The following SLC13A4 variants were observed in gnomAD, a reference collection of about 807,000 sequenced individuals.
SLC13A4 encodes solute carrier family 13 member 4.
A neutral mutation model predicts 72.7 loss-of-function variants in SLC13A4; 28 were observed. The observed-to-expected ratio is 0.39, with a 90% CI of 0.29 to 0.53. SLC13A4 has a LOEUF of 0.53. Ranked by LOEUF, SLC13A4 falls within the 20% of genes least tolerant of loss-of-function variation. The pLI is 0.78. For missense variants in SLC13A4, 653 were observed against 788.0 expected (o/e 0.83, Z 2.05); for synonymous variants, 312 against 325.5 (o/e 0.96, Z 0.45).
intron 1 of SLC13A4, among the ~76,000 whole-genome samples, chr7:135,725,040 C>T (rs945333750): frequency 3.9e-5 from 6 of 152,174 alleles, no homozygotes; most frequent in Non-Finnish European, 8.8e-5. Flanking sequence ...ATTCTGCAAC[C>T]CCCAGGCTCT....
chr7:135,691,719 C>T (rs184921085), intron 11 of SLC13A4, 74 bp from the exon 12 acceptor site: 126 of 1,034,718 alleles, frequency 1.2e-4, no homozygotes, highest in Middle Eastern at 8.2e-4. Flanking sequence ...TCGGAGCAGT[C>T]TGTCCGAACA....
In SLC13A4 at chr7:135,699,475, T is replaced by C; in HGVS notation, c.788A>G (p.Gln263Arg). 1 of 1,613,216 alleles carries C rather than the reference T, an allele frequency of 6.2e-7. No homozygotes were observed. Among genetic ancestry groups the C allele is most frequent in the South Asian group, 1.1e-5 (1 of 90,710 alleles). ...CAGGGAGAGGCACTTGCAGATCATCTGGTCATGGTGGGACCTGTACTTTCT... is the reference window on the plus strand; with the variant it reads ...CAGGGAGAGGCACTTGCAGATCATCCGGTCATGGTGGGACCTGTACTTTCT... Reference protein sequence around the residue: ...LNRKYRSHHDQMICKCLSLSI... With the variant: ...LNRKYRSHHDRMICKCLSLSI... Residue 263 changes from glutamine (Q) to arginine (R), a missense_variant, in exon 8 of 16, where the codon CAG becomes CGG. Coordinates refer to ENST00000682651, the MANE Select transcript of SLC13A4 (RefSeq NM_001318192.2).
intron 13 of SLC13A4, among the ~76,000 whole-genome samples, chr7:135,690,721 G>T (rs956318202): frequency 2.6e-5 from 4 of 151,862 alleles, no homozygotes; most frequent in African/African-American, 7.3e-5. Context: ...TAGTAGCGCT[G>T]AGAAGCTTAG....
chr7:135,683,565 C>T, intron 15 of SLC13A4: 1 of 985,238 alleles, frequency 1.0e-6, no homozygotes, highest in Non-Finnish European at 1.2e-6. Flanking sequence ...GTGCTAAAGT[C>T]AGCAGCAAAA....
Position 135,727,389 on chromosome 7 carries a change from G to A in SLC13A4, c.99+9C>T, listed in dbSNP as rs754169976. The A allele has an allele frequency of 6.5e-7, 1 of 1,548,584 alleles. No individual in the cohort carries two copies. Among genetic ancestry groups the A allele is most frequent in the South Asian group, 1.2e-5 (1 of 83,926 alleles). On this transcript the variant is annotated intron_variant, in intron 1 of 15. Coordinates refer to ENST00000682651, the MANE Select transcript of SLC13A4 (RefSeq NM_001318192.2). The stretch of plus-strand genomic sequence containing the variant: ...CCCAGACCCCCGGTGGGCGCAGGTC[G>A]GTACTCACGCTGCTGGGGTGGAGGA...
chr7:135,703,266 G>A (rs898902459), intron 5 of SLC13A4: 1 of 199,062 alleles, frequency 5.0e-6, no homozygotes, highest in Non-Finnish European at 1.0e-5. Context: ...TACTTAGCAC[G>A]GGGATGCTAA....
chr7:135,710,437 C>T (rs1796274608), intron 2 of SLC13A4, among the ~76,000 whole-genome samples: 2 of 152,140 alleles, frequency 1.3e-5, no homozygotes, highest in African/African-American at 4.8e-5. Context: ...TCTTCATCTG[C>T]TATAACAAGA....
At chr7:135,689,324 G>T (rs545149970) in intron 13 of SLC13A4, among the ~76,000 whole-genome samples, 1 of 152,298 alleles carries the variant, frequency 6.6e-6, no homozygotes, top group South Asian at 2.1e-4. Context: ...TATAGGATGG[G>T]GTGAAGGTCC....
intron 4 of SLC13A4, 40 bp from the exon 5 acceptor site, chr7:135,705,690 G>A: frequency 1.3e-6 from 2 of 1,588,574 alleles, no homozygotes; most frequent in Non-Finnish European, 1.7e-6. Context: ...AGAGGTGGAG[G>A]CTGGGGCTGA....
In SLC13A4 at chr7:135,685,470, C is replaced by T. The variant is rs143886672; in HGVS notation, c.1608+52G>A. On this transcript the variant is annotated intron_variant, in intron 14 of 15. Transcript: ENST00000682651. Reference sequence around the variant, plus strand: ...GCTGCCCTGAGCCAGGCCTGCCACTCCAGGCCCCTGGGACAGCCTGTCTGG... The same window carrying T: ...GCTGCCCTGAGCCAGGCCTGCCACTTCAGGCCCCTGGGACAGCCTGTCTGG... The T allele has an allele frequency of 3.7e-3, 5,828 of 1,567,302 alleles. 29 individuals are homozygous for T. The highest frequency in any genetic ancestry group is 6.0e-3 in the Middle Eastern group (31 of 5,204).
chr7:135,699,448 C>CA lies in SLC13A4; in HGVS notation c.814_815insT (p.Ser272MetfsTer71). ...GCCAATGGTAGCGGAGTAGGATATG[C>CA]TCAGGGAGAGGCACTTGCAGATCAT... On this transcript the variant is annotated frameshift_variant, in exon 8 of 16. Coordinates refer to ENST00000682651, the MANE Select transcript of SLC13A4 (RefSeq NM_001318192.2). LOFTEE classifies it high-confidence loss of function. 1.2e-6 allele frequency: 2 copies of CA among 1,613,336 alleles called. No individual in the cohort carries two copies. Among genetic ancestry groups the CA allele is most frequent in the Non-Finnish European group, 1.7e-6 (2 of 1,179,676 alleles).
chr7:135,700,267 G>A (rs1796000438), intron 7 of SLC13A4, among the ~76,000 whole-genome samples: 1 of 152,144 alleles, frequency 6.6e-6, no homozygotes, highest in African/African-American at 2.4e-5. Flanking sequence ...TGGTCCAGAT[G>A]ACGGCCTTTC....
intron 7 of SLC13A4, among the ~76,000 whole-genome samples, chr7:135,700,890 C>G: frequency 6.6e-6 from 1 of 152,188 alleles, no homozygotes; most frequent in South Asian, 2.1e-4. Flanking sequence ...GCTCAAGTAT[C>G]CTCCTGTCTT....
chr7:135,714,816 AGGC>A (rs138637222), intron 2 of SLC13A4, among the ~76,000 whole-genome samples: 1,772 of 152,358 alleles, frequency 0.012, 28 homozygotes, highest in African/African-American at 0.04. Flanking sequence ...CGGCGGCACC[AGGC>A]GGCAGCGGCT....
intron 6 of SLC13A4, chr7:135,702,577 T>C (rs1158604893): frequency 2.5e-6 from 1 of 395,518 alleles, no homozygotes; most frequent in East Asian, 5.4e-5. Flanking sequence ...GGTTTCACCA[T>C]GTTGGCCAGG....
In SLC13A4 at chr7:135,681,497, G is replaced by A. The variant is rs997223739; in HGVS notation, c.*66C>T. On this transcript the variant is annotated 3_prime_UTR_variant, in exon 16 of 16. Coordinates refer to ENST00000682651, the MANE Select transcript of SLC13A4 (RefSeq NM_001318192.2). ...CCTGGTGGTCCTAGTGGTTTTCTTTGCCTGTGGTCCAGATACTGCTGGATA... is the reference window on the plus strand; with the variant it reads ...CCTGGTGGTCCTAGTGGTTTTCTTTACCTGTGGTCCAGATACTGCTGGATA... 3.2e-6 allele frequency: 5 copies of A among 1,558,650 alleles called. No individual in the cohort carries two copies. The African/African-American group carries it at 4.1e-5, about 13-fold the overall frequency.
chr7:135,694,729 G>A (rs376077125), intron 9 of SLC13A4, among the ~76,000 whole-genome samples: 15 of 152,164 alleles, frequency 9.9e-5, no homozygotes, highest in African/African-American at 3.6e-4. Context: ...TTTTATGTTA[G>A]CAATACTGGA....
In SLC13A4 at chr7:135,706,203, G is replaced by A. The variant is rs1330875591; in HGVS notation, c.463C>T (p.Leu155=). ...TCCTCAGCACTGACCAGCTCCTGCAGCACGGCCTCCACGATGGGCATCACC... is the reference window on the plus strand; with the variant it reads ...TCCTCAGCACTGACCAGCTCCTGCAACACGGCCTCCACGATGGGCATCACC... ...AMVMPIVEAV[L]QELVSAEDEQ... is the part of the protein sequence containing the mutation. The change falls in exon 4 of 16, where the codon CTG becomes TTG. Residue 155 remains leucine (L), a synonymous_variant. Transcript: ENST00000682651. 4 of 1,614,022 alleles carry A rather than the reference G, an allele frequency of 2.5e-6. No individual in the cohort carries two copies. The highest frequency in any genetic ancestry group is 2.2e-5 in the South Asian group (2 of 91,080).
intron 9 of SLC13A4, among the ~76,000 whole-genome samples, chr7:135,695,071 C>T (rs1237967850): frequency 6.6e-6 from 1 of 152,176 alleles, no homozygotes; most frequent in Non-Finnish European, 1.5e-5. Context: ...AGCAATAAAA[C>T]GACATTAAAT....
Sources: gnomAD v4.1 joint callset for allele counts (sites outside exome capture counted in the v4.1 genomes callset) on GRCh38, gnomAD v4.1.1 for gene constraint, MANE v1.5 for transcripts, NCBI Gene and HGNC (gene_info 2026-07-23, HGNC 2026-07-21) for gene names.